ATP6V1D: variants seen among roughly 807,000 people sequenced by gnomAD.
ATP6V1D encodes the protein ATPase H+ transporting V1 subunit D, also known as V-type proton ATPase subunit D.
A neutral mutation model predicts 39.4 loss-of-function variants in ATP6V1D; 20 were observed. The observed-to-expected ratio is 0.51, with a 90% CI of 0.36 to 0.74. The LOEUF (loss-of-function observed/expected upper bound fraction) is 0.74. Among genes scored for constraint, ATP6V1D ranks in the 30% least tolerant of loss-of-function variants. The pLI is 0.00. For synonymous variants in ATP6V1D, 100 were observed against 100.5 expected, an observed-to-expected ratio of 0.99 and a Z score of 0.03; for missense variants, 228 against 291.6, an observed-to-expected ratio of 0.78 and a Z score of 1.59.
Position 67,338,451 on chromosome 14 carries a change from G to A in ATP6V1D, c.*170C>T, listed in dbSNP as rs2085555811. ...TCTCTTTCATCCATGATAAATGGTT[G>A]CTAAATTATGATTCTGCAAAAGTAA... is the stretch of plus-strand genomic sequence containing the variant. On this transcript the variant is annotated 3_prime_UTR_variant, in exon 9 of 9. Transcript: ENST00000216442. 4 of 690,914 alleles carry A rather than the reference G, an allele frequency of 5.8e-6. No homozygotes were observed. The highest frequency in any genetic ancestry group is 4.6e-6 in the Non-Finnish European group (2 of 430,284). 42.8% of individuals were successfully genotyped at this position (690,914 alleles called of 1,614,324 possible).
intron 3 of ATP6V1D, among the ~76,000 whole-genome samples, chr14:67,349,565 T>C (rs549098582): frequency 3.9e-5 from 6 of 152,302 alleles, no homozygotes; most frequent in African/African-American, 1.2e-4. Flanking sequence ...CAGGGTGCGA[T>C]AGCTCACGCC....
chr14:67,359,107 G>C (rs948272277), intron 1 of ATP6V1D, among the ~76,000 whole-genome samples: 1 of 152,232 alleles, frequency 6.6e-6, no homozygotes, highest in Non-Finnish European at 1.5e-5. Flanking sequence ...TCTCACAGCA[G>C]GTGACATTTG....
At chr14:67,358,454 A>G (rs1306180565) in intron 1 of ATP6V1D, among the ~76,000 whole-genome samples, 1 of 152,206 alleles carries the variant, frequency 6.6e-6, no homozygotes, top group Non-Finnish European at 1.5e-5. Flanking sequence ...ATGAGGAAAA[A>G]CAACAAAACA....
intron 5 of ATP6V1D, among the ~76,000 whole-genome samples, chr14:67,346,997 T>C (rs1224213888): frequency 6.6e-6 from 1 of 152,214 alleles, no homozygotes; most frequent in East Asian, 1.9e-4. Context: ...AAGACCTTTT[T>C]CTTTTTTGAG....
At chr14:67,340,189 A>T (rs1237520229) in intron 8 of ATP6V1D, 3 of 415,992 alleles carry the variant, frequency 7.2e-6, no homozygotes, top group Non-Finnish European at 1.3e-5. Context: ...ATATATTTAA[A>T]AAAAAAATCA....
intron 7 of ATP6V1D, among the ~76,000 whole-genome samples, 173 bp downstream of exon 7, chr14:67,343,199 C>T (rs1285018041): frequency 6.6e-6 from 1 of 151,956 alleles, no homozygotes; most frequent in East Asian, 1.9e-4. Flanking sequence ...TATCAGAACA[C>T]TTCATAACAC....
intron 2 of ATP6V1D, among the ~76,000 whole-genome samples, chr14:67,352,537 A>G (rs1278894156): frequency 1.3e-5 from 2 of 152,214 alleles, no homozygotes; most frequent in African/African-American, 4.8e-5. Context: ...CATGGTGTTC[A>G]CTTTAGATTG....
At position 67,345,861 on chromosome 14, in the gene ATP6V1D, C is replaced by A; in HGVS notation, c.363G>T (p.Leu121=). The part of the protein sequence containing the change: ...HYHEGTDSYE[L]TGLARGGEQL... Reference sequence around the variant, plus strand: ...GTTCCCCACCTCTGGCTAAACCAGTCAGTTCATAACCTGAAAGGACCAGTC... The same window carrying A: ...GTTCCCCACCTCTGGCTAAACCAGTAAGTTCATAACCTGAAAGGACCAGTC... The change falls in exon 6 of 9, where the codon CTG becomes CTT. Residue 121 remains leucine (L), a synonymous_variant. Coordinates refer to ENST00000216442, the MANE Select transcript of ATP6V1D (RefSeq NM_015994.4). The A allele has an allele frequency of 6.2e-7, 1 of 1,612,354 alleles. No homozygotes were observed. The highest frequency in any genetic ancestry group is 1.1e-5 in the South Asian group (1 of 91,020).
At chr14:67,354,963 G>A (rs986030697) in intron 1 of ATP6V1D, among the ~76,000 whole-genome samples, 15 of 152,144 alleles carry the variant, frequency 9.9e-5, no homozygotes, top group South Asian at 4.1e-4. Context: ...ACAGGCATGC[G>A]TCACCATGCC....
chr14:67,357,650 C>G lies in ATP6V1D; in HGVS notation c.41+2008G>C, dbSNP rs578097245. On this transcript the variant is annotated intron_variant, in intron 1 of 8. Transcript: ENST00000216442. ...CAGACATTCGTTAAAGTAGTGAAAA[C>G]AGATTTTATTCAGTAAACCACTGAT... Among the ~76,000 whole-genome samples the G allele has an allele frequency of 2.6e-5, 4 of 152,264 alleles. No homozygotes were observed. The East Asian group carries it at 7.7e-4, about 29-fold the overall frequency.
intron 1 of ATP6V1D, 116 bp downstream of exon 1, chr14:67,359,536 ACCTGGG>A: frequency 8.9e-7 from 1 of 1,125,894 alleles, no homozygotes. Context: ...CAAGAAAAGA[ACCTGGG>A]AAAAGCTCAG....
chr14:67,347,502 CTTT>C (rs71129819), intron 4 of ATP6V1D, 49 bp from the exon 5 acceptor site: 164 of 1,111,880 alleles, frequency 1.5e-4, no homozygotes, highest in South Asian at 2.7e-4. Flanking sequence ...TAAGTTCTCT[CTTT>C]TTTTTTTTTT....
intron 2 of ATP6V1D, among the ~76,000 whole-genome samples, chr14:67,352,364 G>C (rs2085660080): frequency 6.6e-6 from 1 of 151,262 alleles, no homozygotes; most frequent in Non-Finnish European, 1.5e-5. Context: ...ACAGCTACTC[G>C]AGAGGCTGAG....
chr14:67,359,702 G>A lies in ATP6V1D; in HGVS notation c.-4C>T, dbSNP rs779942856. On this transcript the variant is annotated 5_prime_UTR_variant, in exon 1 of 9. Coordinates refer to ENST00000216442, the MANE Select transcript of ATP6V1D (RefSeq NM_015994.4). ...CAATTCGGTCTTTGCCCGACATTCTGACGATAACTTTTCGGCTCGGGTCCC... is the reference window on the plus strand; with the variant it reads ...CAATTCGGTCTTTGCCCGACATTCTAACGATAACTTTTCGGCTCGGGTCCC... 11 of 1,614,098 alleles carry A rather than the reference G, an allele frequency of 6.8e-6. No homozygotes were observed. In the East Asian group the frequency reaches 8.9e-5, roughly 13 times the overall value.
Position 67,340,459 on chromosome 14 carries a change from C to G in ATP6V1D, c.583G>C (p.Glu195Gln), listed in dbSNP as rs2085571402. Residue 195 changes from glutamate to glutamine, a missense_variant, in exon 8 of 9, where the codon GAG (glutamate) becomes CAG (glutamine). Physicochemically the swap from Glu to Gln is conservative, Grantham distance 29. Around this residue, in one of 3 missense-constraint regions of ATP6V1D, gnomAD observed 114 missense variants for 128.3 expected, o/e 0.89. Coordinates refer to ENST00000216442, the MANE Select transcript of ATP6V1D (RefSeq NM_015994.4). ...ACAAACCTATAGAACTCTTCTCGCT[C>G]TCTCTCATCCAGCTCTGTGATGATA... ...AYIITELDEREREEFYRLKKI... is the reference protein window; with the variant it reads ...AYIITELDERQREEFYRLKKI... 1 of 1,613,884 alleles carries G rather than the reference C, an allele frequency of 6.2e-7. No homozygotes were observed. Among genetic ancestry groups the G allele is most frequent in the South Asian group, 1.1e-5 (1 of 91,066 alleles).
At position 67,340,592 on chromosome 14, in the gene ATP6V1D, T is replaced by C. The variant is rs559704326; in HGVS notation, c.524-74A>G. On this transcript the variant is annotated intron_variant, in intron 7 of 8. Coordinates refer to ENST00000216442, the MANE Select transcript of ATP6V1D (RefSeq NM_015994.4). ...TTCAAATTATCAGTGCTCATTTGTA[T>C]AACAGTTATTTTTTCCTAATTGTAA... is the stretch of plus-strand genomic sequence containing the variant. 3.2e-6 allele frequency: 4 copies of C among 1,232,476 alleles called. No homozygotes were observed. The East Asian group carries it at 9.3e-5, about 29-fold the overall frequency. The allele number at this position is 1,232,476 out of a possible 1,614,324, so 76.3% of individuals were successfully genotyped here. A position where few individuals can be genotyped will look rare whatever the true frequency, so the allele number is the denominator to read the frequency against.
intron 8 of ATP6V1D, 148 bp downstream of exon 8, chr14:67,340,292 G>T: frequency 1.5e-6 from 1 of 653,552 alleles, no homozygotes; most frequent in Non-Finnish European, 2.6e-6. Flanking sequence ...CACAACTTCT[G>T]GTAATAATAT....
Position 67,340,481 on chromosome 14 carries a change from G to A in ATP6V1D, c.561C>T (p.Ile187=). The change falls in exon 8 of 9, where the codon ATC becomes ATT. Residue 187 remains isoleucine (I), a synonymous_variant. Coordinates refer to ENST00000216442, the MANE Select transcript of ATP6V1D (RefSeq NM_015994.4). ...GCTCTCTCTCATCCAGCTCTGTGAT[G>A]ATATAAGCAAGAGTACGTTCAATCC... ...IPRIERTLAY[I]ITELDERERE... is the part of the protein sequence containing the mutation. 1 of 1,613,552 alleles carries A rather than the reference G, an allele frequency of 6.2e-7. No homozygotes were observed.
intron 7 of ATP6V1D, among the ~76,000 whole-genome samples, chr14:67,342,436 C>A (rs1178110180): frequency 1.3e-5 from 2 of 151,154 alleles, no homozygotes; most frequent in Non-Finnish European, 2.9e-5. Context: ...TAGCAATCAA[C>A]TGTTAAAAAA....
Sources: gnomAD v4.1 joint callset for allele counts (sites outside exome capture counted in the v4.1 genomes callset) on GRCh38, gnomAD v4.1.1 for gene constraint, gnomAD v4.1.1 regional missense constraint, MANE v1.5 for transcripts, NCBI Gene and HGNC (gene_info 2026-07-23, HGNC 2026-07-21) for gene names.